GULP1: variants seen among roughly 807,000 people sequenced by gnomAD.
The protein encoded by GULP1 is GULP PTB domain containing engulfment adaptor 1.
In GULP1, 19 loss-of-function variants were observed where a neutral mutation model predicts 40.9. That is an observed-to-expected ratio of 0.46 (90% CI 0.32 to 0.68). GULP1 has a LOEUF of 0.68. Among genes scored for constraint, GULP1 ranks in the 30% least tolerant of loss-of-function variants. The pLI is 0.03. For synonymous variants in GULP1, 119 were observed against 117.6 expected (o/e 1.01, Z -0.08); for missense variants, 312 against 362.2 (o/e 0.86, Z 1.12).
At chr2:188,441,469 C>T (rs1444929394) in intron 2 of GULP1, among the ~76,000 whole-genome samples, 1 of 152,126 alleles carries the variant, frequency 6.6e-6, no homozygotes, top group Non-Finnish European at 1.5e-5. Flanking sequence ...AGCAGTGTTC[C>T]TGCTTGTATT....
intron 2 of GULP1, among the ~76,000 whole-genome samples, chr2:188,405,423 G>A (rs1019977119): frequency 2.0e-5 from 3 of 151,970 alleles, no homozygotes; most frequent in Non-Finnish European, 4.4e-5. Flanking sequence ...CCAAGCTCTA[G>A]GCCCAGCCCT....
At chr2:188,577,341 C>G (rs1267762247) in intron 9 of GULP1, among the ~76,000 whole-genome samples, 1 of 151,984 alleles carries the variant, frequency 6.6e-6, no homozygotes, top group Non-Finnish European at 1.5e-5. Context: ...GTTTTTTCTG[C>G]TACTATTGAA....
chr2:188,321,688 T>A (rs1022798878), intron 1 of GULP1, among the ~76,000 whole-genome samples: 1 of 151,956 alleles, frequency 6.6e-6, no homozygotes. Flanking sequence ...CAGTACACAT[T>A]AAATAGTAAA....
At chr2:188,396,810 C>T (rs183752814) in intron 2 of GULP1, among the ~76,000 whole-genome samples, 9 of 152,294 alleles carry the variant, frequency 5.9e-5, no homozygotes, top group Non-Finnish European at 1.0e-4. Context: ...CAGGCTTCCA[C>T]GAAATTTCCT....
intron 6 of GULP1, among the ~76,000 whole-genome samples, chr2:188,532,630 T>C (rs1183510550): frequency 6.6e-6 from 1 of 151,866 alleles, no homozygotes; most frequent in Non-Finnish European, 1.5e-5. Flanking sequence ...GAAAGATATG[T>C]GAACTGGCTG....
rs534270867 is a variant in GULP1 at position 188,370,261 on chromosome 2, G to C, written c.-171-13502G>C. Among the ~76,000 whole-genome samples, 7 of 152,308 alleles carry C rather than the reference G, an allele frequency of 4.6e-5. 1 individual carries two copies. The South Asian group carries it at 1.0e-3, about 23-fold the overall frequency. ...GATTTATAGGCATGGCAGGCATTTT[G>C]AGAGCACACAGATGGCCAGTTTGAG... is the stretch of plus-strand genomic sequence containing the variant. On this transcript the variant is annotated intron_variant, in intron 1 of 11. Coordinates refer to ENST00000409830, the MANE Select transcript of GULP1 (RefSeq NM_016315.4).
chr2:188,423,923 A>T (rs571800623), intron 2 of GULP1, among the ~76,000 whole-genome samples: 65 of 152,000 alleles, frequency 4.3e-4, no homozygotes, highest in Non-Finnish European at 7.5e-4. Flanking sequence ...ACACATACAT[A>T]CTAGACATGA....
intron 2 of GULP1, among the ~76,000 whole-genome samples, chr2:188,463,792 C>G (rs904640071): frequency 4.6e-5 from 7 of 152,092 alleles, no homozygotes; most frequent in Admixed American, 3.9e-4. Context: ...TTTTAAAAGA[C>G]TCTGATGCAT....
At chr2:188,557,428 A>G (rs1234830698) in intron 7 of GULP1, among the ~76,000 whole-genome samples, 1 of 152,226 alleles carries the variant, frequency 6.6e-6, no homozygotes, top group Non-Finnish European at 1.5e-5. Context: ...CAGGCCTCAC[A>G]CAATCCCAAA....
chr2:188,308,894 TG>T (rs2037590380), intron 1 of GULP1, among the ~76,000 whole-genome samples: 1 of 152,176 alleles, frequency 6.6e-6, no homozygotes, highest in African/African-American at 2.4e-5. Flanking sequence ...CCGTGGTACT[TG>T]TACATTTTCA....
chr2:188,371,191 T>TA (rs1390498982), intron 1 of GULP1, among the ~76,000 whole-genome samples: 1 of 152,146 alleles, frequency 6.6e-6, no homozygotes, highest in Non-Finnish European at 1.5e-5. Context: ...TTCATACTGT[T>TA]TATGATTTTT....
chr2:188,333,162 T>C (rs1574482054), intron 1 of GULP1, among the ~76,000 whole-genome samples: 3 of 151,672 alleles, frequency 2.0e-5, no homozygotes, highest in African/African-American at 7.3e-5. Context: ...GGAGCATTGC[T>C]TGAACCCAGG....
At chr2:188,446,608 T>A (rs968883303) in intron 2 of GULP1, among the ~76,000 whole-genome samples, 6 of 152,206 alleles carry the variant, frequency 3.9e-5, no homozygotes, top group Non-Finnish European at 8.8e-5. Flanking sequence ...TATCTGTCTC[T>A]GCCACAAATG....
intron 11 of GULP1, chr2:188,593,158 G>A (rs2153478656): frequency 6.6e-6 from 1 of 152,140 alleles, no homozygotes; most frequent in African/African-American, 2.4e-5. Flanking sequence ...GGAAAGGGTA[G>A]GAATGGGGAG....
At chr2:188,538,159 TA>T (rs1226685050) in intron 6 of GULP1, among the ~76,000 whole-genome samples, 1 of 152,114 alleles carries the variant, frequency 6.6e-6, no homozygotes, top group African/African-American at 2.4e-5. Context: ...TCATTGTTTT[TA>T]TGGATTTTTT....
chr2:188,502,060 A>G (rs1286573359), intron 4 of GULP1, among the ~76,000 whole-genome samples: 1 of 151,928 alleles, frequency 6.6e-6, no homozygotes, highest in East Asian at 1.9e-4. Flanking sequence ...AATGATTTGT[A>G]CTGACTTCAT....
At chr2:188,418,325 T>G (rs1021609935) in intron 2 of GULP1, among the ~76,000 whole-genome samples, 9 of 152,112 alleles carry the variant, frequency 5.9e-5, no homozygotes, top group African/African-American at 2.2e-4. Flanking sequence ...ATATATTACT[T>G]TTGCAGAGAT....
chr2:188,349,296 T>A (rs1388256562), intron 1 of GULP1, among the ~76,000 whole-genome samples: 1 of 152,216 alleles, frequency 6.6e-6, no homozygotes, highest in Non-Finnish European at 1.5e-5. Flanking sequence ...GGTAACTCTA[T>A]GTTTAATATT....
intron 1 of GULP1, among the ~76,000 whole-genome samples, chr2:188,337,429 C>T (rs1180919819): frequency 7.3e-5 from 11 of 149,792 alleles, no homozygotes; most frequent in African/African-American, 1.2e-4. Context: ...TGTGAGCCAC[C>T]GCGCCCGGCC....
Sources: gnomAD v4.1 joint callset for allele counts (sites outside exome capture counted in the v4.1 genomes callset) on GRCh38, gnomAD v4.1.1 for gene constraint, MANE v1.5 for transcripts, NCBI Gene and HGNC (gene_info 2026-07-23, HGNC 2026-07-21) for gene names.